The following HCN2 variants were observed in gnomAD, a reference collection of about 807,000 sequenced individuals.
HCN2 encodes the protein potassium/sodium hyperpolarization-activated cyclic nucleotide-gated channel 2.
In HCN2, 20 loss-of-function variants were observed where a neutral mutation model predicts 52.3. That is an observed-to-expected ratio of 0.38 (90% CI 0.27 to 0.56). The LOEUF is 0.56. Among genes scored for constraint, HCN2 ranks in the 20% least tolerant of loss-of-function variants. The pLI, the probability that HCN2 is intolerant of heterozygous loss-of-function variation, is 0.71. For synonymous variants in HCN2, 694 were observed against 537.0 expected, an observed-to-expected ratio of 1.29 and a Z score of -4.04; for missense variants, 981 against 1,207.7, an observed-to-expected ratio of 0.81 and a Z score of 2.78.
intron 2 of HCN2, among the ~76,000 whole-genome samples, chr19:604,567 A>G (rs1450442130): frequency 1.0e-5 from 1 of 95,638 alleles, no homozygotes; most frequent in Non-Finnish European, 2.0e-5. Context: ...GGGCGGGGCT[A>G]TGAGGGTTGT....
chr19:610,855 G>A (rs529296533), intron 5 of HCN2, among the ~76,000 whole-genome samples: 128 of 152,216 alleles, frequency 8.4e-4, no homozygotes, highest in African/African-American at 2.2e-3. Flanking sequence ...GCGGAGATTC[G>A]GCCTCCCACC....
chr19:616,093 G>A lies in HCN2; in HGVS notation c.2289G>A (p.Pro763=). 3 of 423,236 alleles carry A rather than the reference G, an allele frequency of 7.1e-6. No individual in the cohort carries two copies. Among genetic ancestry groups the A allele is most frequent in the Non-Finnish European group, 8.8e-6 (3 of 342,620 alleles). 26.2% of individuals were successfully genotyped at this position (423,236 alleles called of 1,614,324 possible). Residue 763 remains proline, a synonymous_variant, in exon 8 of 8, where the codon CCG becomes CCA. Transcript: ENST00000251287. ...GSPRLVRRPP[P]GPAPAAASPG... is the part of the protein sequence containing the mutation. ...CGCGCCTCGTGCGCCGCCCGCCCCC[G>A]GGGCCCGCACCTGCCGCCGCCTCAC...
intron 5 of HCN2, among the ~76,000 whole-genome samples, chr19:611,507 G>C (rs143376164): frequency 6.6e-6 from 1 of 152,198 alleles, no homozygotes; most frequent in Non-Finnish European, 1.5e-5. Context: ...TAGGGACCTC[G>C]GGCCCCGGGA....
At chr19:608,328 C>A (rs537256202) in intron 4 of HCN2, 146 bp downstream of exon 4, 2 of 733,580 alleles carry the variant, frequency 2.7e-6, no homozygotes, top group South Asian at 1.7e-5. Context: ...GGAGGCCTTG[C>A]CCTGGGGTCT....
chr19:614,476 G>A, intron 7 of HCN2, among the ~76,000 whole-genome samples: 1 of 152,182 alleles, frequency 6.6e-6, no homozygotes, highest in East Asian at 1.9e-4. Context: ...GGTGGGGCCG[G>A]TGGGCTTCCC....
intron 4 of HCN2, among the ~76,000 whole-genome samples, chr19:609,377 C>A (rs1321035890): frequency 6.6e-6 from 1 of 152,182 alleles, no homozygotes; most frequent in Non-Finnish European, 1.5e-5. Flanking sequence ...GCCAGAGCCC[C>A]CGGGAAGGGG....
At chr19:604,442 G>A (rs1983330619) in intron 2 of HCN2, among the ~76,000 whole-genome samples, 1 of 148,954 alleles carries the variant, frequency 6.7e-6, no homozygotes. Flanking sequence ...AGCAGGGGCA[G>A]GGCTATGATG....
chr19:603,522 G>A (rs1426238950), intron 1 of HCN2, 22 bp from the exon 2 acceptor site: 2 of 1,586,984 alleles, frequency 1.3e-6, no homozygotes, highest in Admixed American at 3.4e-5. Flanking sequence ...CCGGCCTGAG[G>A]TGTGGGCACC....
At position 613,239 on chromosome 19, in the gene HCN2, C is replaced by G; in HGVS notation, c.1585-9C>G. 1.9e-6 allele frequency: 3 copies of G among 1,608,624 alleles called. No homozygotes were observed. Among genetic ancestry groups the G allele is most frequent in the Non-Finnish European group, 2.5e-6 (3 of 1,178,128 alleles). ...CCGCAGCGGACCCAGCCCTGCCTCC[C>G]CCCTGCAGGAGATCGTCAACTTCAA... On this transcript the variant is annotated splice_polypyrimidine_tract_variant and intron_variant, in intron 5 of 7. Coordinates refer to ENST00000251287, the MANE Select transcript of HCN2 (RefSeq NM_001194.4).
rs768690847 is a variant in HCN2 at position 591,774 on chromosome 19, G to A, written c.632+1197G>A. Among the ~76,000 whole-genome samples, 4 of 152,142 alleles carry A rather than the reference G, an allele frequency of 2.6e-5. No homozygotes were observed. The highest frequency in any genetic ancestry group is 4.4e-5 in the Non-Finnish European group (3 of 68,010). On this transcript the variant is annotated intron_variant, in intron 1 of 7. Transcript: ENST00000251287. This position sits in a 1 kb window ranked among gnomAD's most constrained non-coding sequence, Gnocchi z 4.1. ...CCCAGGACAGCCCCCACGGACCCTGGACCCCCGGAACTGGGCAGGGAGGCT... is the reference window on the plus strand; with the variant it reads ...CCCAGGACAGCCCCCACGGACCCTGAACCCCCGGAACTGGGCAGGGAGGCT...
chr19:604,940 G>T, intron 2 of HCN2, 121 bp from the exon 3 acceptor site: 2 of 1,084,430 alleles, frequency 1.8e-6, no homozygotes. Context: ...GGTCCTGTGC[G>T]GGGCCTTGGA....
At chr19:610,129 G>C in intron 4 of HCN2, 130 bp from the exon 5 acceptor site, 1 of 1,076,110 alleles carries the variant, frequency 9.3e-7, no homozygotes, top group Non-Finnish European at 1.4e-6. Flanking sequence ...ACAAGCAGGT[G>C]CCCGTGTGCC....
chr19:607,366 T>C (rs1476164740), intron 3 of HCN2, among the ~76,000 whole-genome samples: 1 of 152,154 alleles, frequency 6.6e-6, no homozygotes, highest in Non-Finnish European at 1.5e-5. Flanking sequence ...GGGATGTGTT[T>C]GGTTTGGACA....
rs1220991588 is a variant in HCN2 at position 616,487 on chromosome 19, G to T, written c.*13G>T. ...GTCCAACTTGTGACCCTCGCCGACCGCCCCGCGGGCCCAGGCGGGCCGGGG... is the reference window on the plus strand; with the variant it reads ...GTCCAACTTGTGACCCTCGCCGACCTCCCCGCGGGCCCAGGCGGGCCGGGG... On this transcript the variant is annotated 3_prime_UTR_variant, in exon 8 of 8. Coordinates refer to ENST00000251287, the MANE Select transcript of HCN2 (RefSeq NM_001194.4). 9 of 1,209,980 alleles carry T rather than the reference G, an allele frequency of 7.4e-6. 1 individual carries two copies. Among genetic ancestry groups the T allele is most frequent in the African/African-American group, 1.6e-5 (1 of 61,298 alleles). The allele number at this position is 1,209,980 out of a possible 1,614,324, so 75.0% of individuals were successfully genotyped here. A position where few individuals can be genotyped will look rare whatever the true frequency, so the allele number is the denominator to read the frequency against.
Position 616,225 on chromosome 19 carries a change from C to A in HCN2, c.2421C>A (p.Ala807=). The change falls in exon 8 of 8, where the codon GCC becomes GCA. Residue 807 remains alanine (A), a synonymous_variant. Transcript: ENST00000251287. ...GLPAAPLAGP[A]LPARRLSRAS... The stretch of plus-strand genomic sequence containing the variant: ...CCGCCGCCCCCCTTGCTGGGCCCGC[C>A]CTGCCCGCGCGCCGCCTGAGCCGCG... The A allele has an allele frequency of 1.0e-6, 1 of 992,856 alleles. No homozygotes were observed. The highest frequency in any genetic ancestry group is 1.2e-6 in the Non-Finnish European group (1 of 837,236). 61.5% of individuals were successfully genotyped at this position (992,856 alleles called of 1,614,324 possible). A position where few individuals can be genotyped will look rare whatever the true frequency, so the allele number is the denominator to read the frequency against.
At chr19:615,741 C>G (rs1230710556) in intron 7 of HCN2, 54 bp from the exon 8 acceptor site, 2 of 1,572,172 alleles carry the variant, frequency 1.3e-6, no homozygotes, top group African/African-American at 1.4e-5. Context: ...GCTCGGTGCC[C>G]GCTGTACGCA....
chr19:605,028 C>A (rs536494077), intron 2 of HCN2, 33 bp from the exon 3 acceptor site: 1 of 1,574,310 alleles, frequency 6.4e-7, no homozygotes, highest in Non-Finnish European at 8.6e-7. Context: ...CGGGGGTCAG[C>A]GGGTAGGGTG....
intron 5 of HCN2, among the ~76,000 whole-genome samples, chr19:611,138 T>C (rs1423515228): frequency 2.0e-5 from 3 of 152,224 alleles, no homozygotes; most frequent in African/African-American, 7.2e-5. Context: ...GCAGAGACCC[T>C]ATTTCCACAT....
At chr19:598,453 C>T (rs977799726) in intron 1 of HCN2, among the ~76,000 whole-genome samples, 24 of 152,014 alleles carry the variant, frequency 1.6e-4, no homozygotes, top group African/African-American at 4.8e-4. Context: ...TCCACAGGTG[C>T]GCACCACCAC....
Sources: allele counts gnomAD v4.1 joint callset (sites outside exome capture counted in the v4.1 genomes callset), GRCh38; gene constraint gnomAD v4.1.1; non-coding constraint Gnocchi (gnomAD v3.1); transcripts MANE v1.5; gene names NCBI Gene and HGNC (gene_info 2026-07-23, HGNC 2026-07-21).